The following MED23 variants were observed in gnomAD, a reference collection of about 807,000 sequenced individuals.
MED23 encodes the protein mediator complex subunit 23.
In MED23, 105 loss-of-function variants were observed where a neutral mutation model predicts 163.9. The observed-to-expected ratio is 0.64, with a 90% CI of 0.55 to 0.75. The LOEUF is 0.75. MED23 is among the 30% of genes least tolerant of loss of function. The probability of loss-of-function intolerance (pLI) is 0.00; values close to 1 mark genes in which losing one functional copy is unlikely to be tolerated. For missense variants in MED23, 1,054 were observed against 1,649.0 expected (o/e 0.64, Z 6.25); for synonymous variants, 561 against 565.6 (o/e 0.99, Z 0.12).
At chr6:131,625,863 C>G (rs146642427) in intron 3 of MED23, among the ~76,000 whole-genome samples, 1 of 151,938 alleles carries the variant, frequency 6.6e-6, no homozygotes, top group African/African-American at 2.4e-5. Flanking sequence ...TGGCTCATGC[C>G]TGTAATCCCA....
chr6:131,613,449 A>G (rs1338445705), intron 10 of MED23, among the ~76,000 whole-genome samples: 2 of 152,186 alleles, frequency 1.3e-5, no homozygotes, highest in Non-Finnish European at 2.9e-5. Flanking sequence ...TGAGTAAATT[A>G]TCACATTGCT....
chr6:131,617,774 C>T (rs1237118447), intron 9 of MED23, among the ~76,000 whole-genome samples: 4 of 152,160 alleles, frequency 2.6e-5, no homozygotes, highest in Non-Finnish European at 5.9e-5. Context: ...AGCAAGACTG[C>T]TCACTAATGC....
chr6:131,589,707 G>A, intron 27 of MED23, 111 bp from the exon 28 acceptor site: 1 of 987,034 alleles, frequency 1.0e-6, no homozygotes. Flanking sequence ...TGTCTTTGCT[G>A]TAGAACTGTC....
Position 131,628,218 on chromosome 6 carries a change from A to T in MED23, c.-169T>A. The T allele has an allele frequency of 1.4e-6, 1 of 737,598 alleles. No homozygotes were observed. Among genetic ancestry groups the T allele is most frequent in the South Asian group, 1.5e-5 (1 of 65,456 alleles). The allele number at this position is 737,598 out of a possible 1,614,324, so 45.7% of individuals were successfully genotyped here. A position where few individuals can be genotyped will look rare whatever the true frequency, so the allele number is the denominator to read the frequency against. On this transcript the variant is annotated 5_prime_UTR_variant, in exon 1 of 29. Coordinates refer to ENST00000368068, the MANE Select transcript of MED23 (RefSeq NM_004830.4). ...GGAGCGTTCCCTCCCGAGCCCAGCC[A>T]ACAGCAGGAACCTGTACGGAAGACG...
At position 131,594,087 on chromosome 6, in the gene MED23, T is replaced by C. The variant is rs1444209366; in HGVS notation, c.3232+12A>G. On this transcript the variant is annotated intron_variant, in intron 23 of 28. Transcript: ENST00000368068. The stretch of plus-strand genomic sequence containing the variant: ...TATTTCTGGGAGTCTAAAATCACAA[T>C]AAAAAGGATATTATCGACTAGTCTG... 1 of 1,591,942 alleles carries C rather than the reference T, an allele frequency of 6.3e-7. No homozygotes were observed. The highest frequency in any genetic ancestry group is 2.2e-5 in the East Asian group (1 of 44,780).
downstream of MED23, chr6:131,583,583 C>T: frequency 6.4e-7 from 1 of 1,555,408 alleles, no homozygotes; most frequent in South Asian, 1.1e-5. Flanking sequence ...TCCCAGCTGA[C>T]ACTTTCAGAA....
At chr6:131,586,134 G>A (rs189681420), downstream of MED23, among the ~76,000 whole-genome samples, 286 of 152,294 alleles carry the variant, frequency 1.9e-3, 7 homozygotes, top group East Asian at 0.043. Context: ...AGTGGCTCAC[G>A]CCTGTAATCC....
At chr6:131,580,715 T>G (rs1449599016) in intron 30 of MED23, among the ~76,000 whole-genome samples, 1 of 151,990 alleles carries the variant, frequency 6.6e-6, no homozygotes, top group Non-Finnish European at 1.5e-5. Context: ...AGAACTTGAG[T>G]AAGAACATGT....
intron 18 of MED23, among the ~76,000 whole-genome samples, chr6:131,599,303 T>C (rs889993881): frequency 6.6e-6 from 1 of 152,202 alleles, no homozygotes; most frequent in African/African-American, 2.4e-5. Context: ...AACCAAATGC[T>C]CTAGCCCTAC....
intron 28 of MED23, 39 bp downstream of exon 28, chr6:131,589,426 T>G (rs1351037994): frequency 6.4e-7 from 1 of 1,568,864 alleles, no homozygotes; most frequent in African/African-American, 1.4e-5. Context: ...GTTTTCTAAA[T>G]TAAACATCAT....
At chr6:131,575,941 C>T (rs1773591175) in intron 30 of MED23, among the ~76,000 whole-genome samples, 1 of 152,162 alleles carries the variant, frequency 6.6e-6, no homozygotes, top group Admixed American at 6.5e-5. Context: ...TGCCTGCTTT[C>T]TCCCCAAGAG....
rs748651960 is a variant in MED23, at chr6:131,591,547, C to G, written c.3472-20G>C. The G allele has an allele frequency of 1.3e-5, 20 of 1,569,192 alleles. No individual in the cohort carries two copies. Among genetic ancestry groups the G allele is most frequent in the Non-Finnish European group, 1.8e-5 (20 of 1,142,466 alleles). On this transcript the variant is annotated intron_variant, in intron 25 of 28. Coordinates refer to ENST00000368068, the MANE Select transcript of MED23 (RefSeq NM_004830.4). ...TGGCTCCTTTAAAATCGGAGGAAAG[C>G]TAGTGAAAAATATCACTTATCCAGC...
intron 10 of MED23, chr6:131,615,617 T>C (rs982374627): frequency 1.8e-6 from 1 of 543,736 alleles, no homozygotes; most frequent in Non-Finnish European, 3.2e-6. Flanking sequence ...AAAATTATGG[T>C]TGAGTCATGT....
At position 131,620,681 on chromosome 6, in the gene MED23, A is replaced by C; in HGVS notation, c.544T>G (p.Phe182Val). 1 of 1,613,788 alleles carries C rather than the reference A, an allele frequency of 6.2e-7. No individual in the cohort carries two copies. The highest frequency in any genetic ancestry group is 8.5e-7 in the Non-Finnish European group (1 of 1,179,784). The change falls in exon 7 of 29, where the codon TTT (phenylalanine) becomes GTT (valine). Residue 182 changes from phenylalanine (F) to valine (V), a missense_variant. By Grantham distance (50) the Phe-to-Val change is conservative (BLOSUM62 -1). Transcript: ENST00000368068. ...ERNACLLPAY[F>V]AVTEIRKLYP... ...AGTTTCCTGATCTCAGTGACTGCAA[A>C]ATAGGCTGGTAATAAGCAGGCATTT...
intron 17 of MED23, among the ~76,000 whole-genome samples, chr6:131,600,927 A>G (rs1029066580): frequency 6.6e-6 from 1 of 152,192 alleles, no homozygotes; most frequent in African/African-American, 2.4e-5. Context: ...TTTTAACATC[A>G]TATGTAACAA....
At chr6:131,593,825 T>C (rs1033315376) in intron 23 of MED23, among the ~76,000 whole-genome samples, 5 of 152,114 alleles carry the variant, frequency 3.3e-5, no homozygotes, top group South Asian at 2.1e-4. Flanking sequence ...GATTTTTTCT[T>C]TGAAACAAAT....
intron 10 of MED23, chr6:131,615,332 T>C: frequency 1.2e-6 from 2 of 1,611,484 alleles, no homozygotes; most frequent in Non-Finnish European, 1.7e-6. Flanking sequence ...ACCTGAGCAA[T>C]GTTCAAGGTC....
At position 131,586,733 on chromosome 6, in the gene MED23, C is replaced by CG; in HGVS notation, c.*945dup. 1 of 1,435,736 alleles carries CG rather than the reference C, an allele frequency of 7.0e-7. No individual in the cohort carries two copies. Among genetic ancestry groups the CG allele is most frequent in the Non-Finnish European group, 9.3e-7 (1 of 1,077,614 alleles). The allele number at this position is 1,435,736 out of a possible 1,614,324, so 88.9% of individuals were successfully genotyped here. A position where few individuals can be genotyped will look rare whatever the true frequency, so the allele number is the denominator to read the frequency against. On this transcript the variant is annotated 3_prime_UTR_variant, in exon 29 of 29. Transcript: ENST00000368068. ...CAGCCGACACTCATTCCAATGGAGT[C>CG]GGGAAACAATCACACGGTTTATTCA...
rs755973004 is a variant in MED23, at chr6:131,576,680, A to C, written c.4096-2385T>G. Reference sequence around the variant, plus strand: ...TTGTTCAGCCACGAGGAGGGGTGGAAGAAGGCCCTACAGTATTGAGAAAGG... The same window carrying C: ...TTGTTCAGCCACGAGGAGGGGTGGACGAAGGCCCTACAGTATTGAGAAAGG... On this transcript the variant is annotated intron_variant, in intron 30 of 30. Transcript: ENST00000354577. The C allele has an allele frequency of 6.2e-5, 100 of 1,613,960 alleles. 2 individuals carry two copies. The South Asian group carries it at 8.9e-4, about 14-fold the overall frequency.
Sources: gnomAD v4.1 joint callset for allele counts (sites outside exome capture counted in the v4.1 genomes callset) on GRCh38, gnomAD v4.1.1 for gene constraint, MANE v1.5 for transcripts, NCBI Gene and HGNC (gene_info 2026-07-23, HGNC 2026-07-21) for gene names.